The following FSIP2 variants were observed in gnomAD, a reference collection of about 807,000 sequenced individuals.
FSIP2 encodes the protein fibrous sheath-interacting protein 2.
In FSIP2, 367 loss-of-function variants were observed where a neutral mutation model predicts 510.5. The ratio of observed to expected loss-of-function variants is 0.72; its 90% CI spans 0.66 to 0.78. The LOEUF is 0.78. Ranked by LOEUF, FSIP2 falls within the 30% of genes least tolerant of loss-of-function variation. FSIP2 has a pLI of 0.00. For missense variants in FSIP2, 7,594 were observed against 7,901.7 expected, an observed-to-expected ratio of 0.96 and a Z score of 1.48; for synonymous variants, 2,601 against 2,732.2, an observed-to-expected ratio of 0.95 and a Z score of 1.50.
At chr2:185,742,256 A>G (rs191104023) in intron 2 of FSIP2, among the ~76,000 whole-genome samples, 43 of 152,296 alleles carry the variant, frequency 2.8e-4, no homozygotes, top group Admixed American at 1.9e-3. Flanking sequence ...CCAATAAGCC[A>G]TTATCACCAT....
rs370552810 is a variant in FSIP2, at chr2:185,807,338, A to C, written c.18032A>C (p.Lys6011Thr). Residue 6011 changes from lysine to threonine, a missense_variant, in exon 17 of 23, where the codon AAA becomes ACA. Physicochemically the swap from Lys to Thr is moderately conservative, Grantham distance 78. Transcript: ENST00000424728. ...SSPYTIILPH[K>T]FLENVISALF... is the part of the protein sequence containing the mutation. Reference sequence around the variant, plus strand: ...CCATATACAATAATATTACCTCATAAATTTTTGGAGAATGTGATTTCTGCT... The same window carrying C: ...CCATATACAATAATATTACCTCATACATTTTTGGAGAATGTGATTTCTGCT... 22 of 1,611,098 alleles carry C rather than the reference A, an allele frequency of 1.4e-5. No individual in the cohort carries two copies. In the African/African-American group the frequency reaches 2.7e-4, roughly 20 times the overall value.
chr2:185,749,248 CT>C (rs1314568862), intron 7 of FSIP2, among the ~76,000 whole-genome samples: 1 of 151,770 alleles, frequency 6.6e-6, no homozygotes, highest in Non-Finnish European at 1.5e-5. Flanking sequence ...CACAATTTAC[CT>C]CTTTATAATA....
intron 19 of FSIP2, among the ~76,000 whole-genome samples, chr2:185,822,413 A>C (rs1693939904): frequency 6.6e-6 from 1 of 152,008 alleles, no homozygotes; most frequent in Non-Finnish European, 1.5e-5. Flanking sequence ...ATTCTGTATA[A>C]TTACACTGAA....
Position 185,829,179 on chromosome 2 carries a change from CCTT to C in FSIP2, c.20517+983_20517+985del, listed in dbSNP as rs543320901. Among the ~76,000 whole-genome samples, 30 of 151,924 alleles carry C rather than the reference CCTT, an allele frequency of 2.0e-4. No homozygotes were observed. In the East Asian group the frequency reaches 3.5e-3, roughly 18 times the overall value. On this transcript the variant is annotated intron_variant, in intron 21 of 22. Transcript: ENST00000424728. Reference sequence around the variant, plus strand: ...GTGGAATTTCTGGCTAATCTGGACTCCTTCTGCTTTTGTTCTTTCCCTCTTTGC... The same window carrying C: ...GTGGAATTTCTGGCTAATCTGGACTCCTGCTTTTGTTCTTTCCCTCTTTGC...
At chr2:185,810,924 G>C (rs1226704054) in intron 17 of FSIP2, among the ~76,000 whole-genome samples, 1 of 151,974 alleles carries the variant, frequency 6.6e-6, no homozygotes, top group African/African-American at 2.4e-5. Context: ...TAGAGCAAAG[G>C]TCACTTTTGT....
intron 7 of FSIP2, among the ~76,000 whole-genome samples, chr2:185,752,307 T>A (rs924864363): frequency 4.0e-5 from 6 of 151,146 alleles, no homozygotes; most frequent in Non-Finnish European, 8.9e-5. Context: ...GTCTTTAAAC[T>A]TTATTTTTCT....
chr2:185,797,078 A>T lies in FSIP2; in HGVS notation c.9942A>T (p.Pro3314=). ...HYENLKPVVE[P]NQIQTTISPL... ...AGAACCTAAAACCAGTTGTTGAACC[A>T]AACCAAATTCAGACAACCATTTCCC... Residue 3314 remains proline (P), a synonymous_variant, in exon 16 of 23, where the codon CCA becomes CCT. Coordinates refer to ENST00000424728, the MANE Select transcript of FSIP2 (RefSeq NM_173651.4). The T allele has an allele frequency of 6.5e-7, 1 of 1,535,302 alleles. No individual in the cohort carries two copies. The highest frequency in any genetic ancestry group is 8.7e-7 in the Non-Finnish European group (1 of 1,146,352).
intron 13 of FSIP2, among the ~76,000 whole-genome samples, chr2:185,771,390 A>G (rs969704968): frequency 2.0e-5 from 3 of 152,212 alleles, no homozygotes; most frequent in Non-Finnish European, 2.9e-5. Flanking sequence ...TCTGAAATCT[A>G]TATGGAGCTG....
At chr2:185,824,189 C>T (rs1693973659) in intron 19 of FSIP2, among the ~76,000 whole-genome samples, 1 of 151,762 alleles carries the variant, frequency 6.6e-6, no homozygotes, top group Non-Finnish European at 1.5e-5. Flanking sequence ...TGCAAATGTA[C>T]TTAATGCTAC....
intron 10 of FSIP2, among the ~76,000 whole-genome samples, 160 bp downstream of exon 10, chr2:185,761,263 TAA>T (rs1225292967): frequency 6.6e-6 from 1 of 151,162 alleles, no homozygotes; most frequent in Non-Finnish European, 1.5e-5. Context: ...GAAAAAGTGT[TAA>T]GTTAGCTTTG....
At chr2:185,780,190 A>AT (rs1158091466) in intron 13 of FSIP2, among the ~76,000 whole-genome samples, 2 of 151,176 alleles carry the variant, frequency 1.3e-5, no homozygotes, top group South Asian at 2.1e-4. Context: ...TGTTTTCTTT[A>AT]TTTTTTCTTT....
chr2:185,807,190 G>T lies in FSIP2; in HGVS notation c.17884G>T (p.Val5962Phe). The T allele has an allele frequency of 6.2e-7, 1 of 1,602,282 alleles. No individual in the cohort carries two copies. Among genetic ancestry groups the T allele is most frequent in the Non-Finnish European group, 8.5e-7 (1 of 1,176,252 alleles). The change falls in exon 17 of 23, where the codon GTT (valine) becomes TTT (phenylalanine). Residue 5962 changes from valine (V) to phenylalanine (F), a missense_variant. Physicochemically the swap from Val to Phe is conservative, Grantham distance 50. Transcript: ENST00000424728. ...GATAAATGAAATTTTCCAACGTCAG[G>T]TTAACTTGATATTTTGTGATGAGGT... Reference protein sequence around the residue: ...AVINEIFQRQVNLIFCDEVSV... With the variant: ...AVINEIFQRQFNLIFCDEVSV...
In FSIP2 at chr2:185,747,435, T is replaced by C; in HGVS notation, c.870+12T>C. 7.2e-7 allele frequency: 1 copy of C among 1,386,864 alleles called. No individual in the cohort carries two copies. The highest frequency in any genetic ancestry group is 9.9e-7 in the Non-Finnish European group (1 of 1,011,774). The allele number at this position is 1,386,864 out of a possible 1,614,324, so 85.9% of individuals were successfully genotyped here. On this transcript the variant is annotated intron_variant, in intron 7 of 22. Coordinates refer to ENST00000424728, the MANE Select transcript of FSIP2 (RefSeq NM_173651.4). ...AGAGTGACAGGAAGGTAGGGTGAGCTTTAACCTCTAACTTGAGCTGTTCGA... is the reference window on the plus strand; with the variant it reads ...AGAGTGACAGGAAGGTAGGGTGAGCCTTAACCTCTAACTTGAGCTGTTCGA...
intron 13 of FSIP2, among the ~76,000 whole-genome samples, chr2:185,778,712 G>C (rs1692778552): frequency 6.6e-6 from 1 of 151,850 alleles, no homozygotes; most frequent in Non-Finnish European, 1.5e-5. Flanking sequence ...AATGAATATT[G>C]CTCAATTTGG....
Position 185,808,454 on chromosome 2 carries a change from C to G in FSIP2, c.19148C>G (p.Ser6383Cys), listed in dbSNP as rs1396324465. 2 of 1,605,512 alleles carry G rather than the reference C, an allele frequency of 1.2e-6. No homozygotes were observed. Among genetic ancestry groups the G allele is most frequent in the South Asian group, 2.2e-5 (2 of 89,002 alleles). Residue 6383 changes from serine to cysteine, a missense_variant, in exon 17 of 23, where the codon TCT becomes TGT. Ser to Cys is a moderately radical substitution (Grantham distance 112, BLOSUM62 -1). Transcript: ENST00000424728. The stretch of plus-strand genomic sequence containing the variant: ...AAGACTGAGTTAAATAAAATTGCAT[C>G]TCAACTGTCAAAATTGGTAACAGCT... Reference protein sequence around the residue: ...LSKTELNKIASQLSKLVTAEI... With the variant: ...LSKTELNKIACQLSKLVTAEI...
chr2:185,747,786 A>G (rs1473663433), intron 7 of FSIP2, among the ~76,000 whole-genome samples: 1 of 152,026 alleles, frequency 6.6e-6, no homozygotes, highest in Non-Finnish European at 1.5e-5. Context: ...TTAATAATAT[A>G]TAAGATTTTG....
rs1574183253 is a variant in FSIP2, at chr2:185,791,830, C to G, written c.4694C>G (p.Ser1565Cys). 1.3e-6 allele frequency: 2 copies of G among 1,533,726 alleles called. No homozygotes were observed. The highest frequency in any genetic ancestry group is 3.3e-4 in the Middle Eastern group (2 of 5,976). Residue 1565 changes from serine to cysteine, a missense_variant, in exon 16 of 23, where the codon TCC (serine) becomes TGC (cysteine). Transcript: ENST00000424728. The part of the protein sequence containing the change: ...SKAKPVAPVS[S>C]KTPSTKEMHP... ...GCAAAACCTGTTGCTCCTGTGTCTTCCAAAACACCAAGCACAAAAGAAATG... is the reference window on the plus strand; with the variant it reads ...GCAAAACCTGTTGCTCCTGTGTCTTGCAAAACACCAAGCACAAAAGAAATG...
intron 13 of FSIP2, 122 bp from the exon 14 acceptor site, chr2:185,782,583 G>C: frequency 1.5e-6 from 1 of 664,736 alleles, no homozygotes; most frequent in East Asian, 2.7e-5. Flanking sequence ...ACTGTGGAGA[G>C]TCCCTGAAAG....
Position 185,794,150 on chromosome 2 carries a change from A to G in FSIP2, c.7014A>G (p.Gly2338=). ...FTFVGRREKL[G]STIHLSQARL... Reference sequence around the variant, plus strand: ...TTGTTGGTCGCAGAGAAAAACTTGGATCCACAATTCACCTATCGCAAGCTA... The same window carrying G: ...TTGTTGGTCGCAGAGAAAAACTTGGGTCCACAATTCACCTATCGCAAGCTA... The change falls in exon 16 of 23, where the codon GGA becomes GGG. Residue 2338 remains glycine (G), a synonymous_variant. Coordinates refer to ENST00000424728, the MANE Select transcript of FSIP2 (RefSeq NM_173651.4). 6.5e-7 allele frequency: 1 copy of G among 1,533,258 alleles called. No individual in the cohort carries two copies. Among genetic ancestry groups the G allele is most frequent in the African/African-American group, 1.4e-5 (1 of 72,950 alleles). The allele number at this position is 1,533,258 out of a possible 1,614,324, so 95.0% of individuals were successfully genotyped here.
Sources: allele counts gnomAD v4.1 joint callset (sites outside exome capture counted in the v4.1 genomes callset), GRCh38; gene constraint gnomAD v4.1.1; transcripts MANE v1.5; gene names NCBI Gene and HGNC (gene_info 2026-07-23, HGNC 2026-07-21).